The following CDYL2 variants were observed in gnomAD, a reference collection of about 807,000 sequenced individuals.
CDYL2 encodes the protein chromodomain Y like 2, also known as chromodomain Y-like protein 2.
In CDYL2, 23 loss-of-function variants were observed where a neutral mutation model predicts 49.4. The ratio of observed to expected loss-of-function variants is 0.47; its 90% CI spans 0.34 to 0.66. The LOEUF is 0.66. CDYL2 is among the 30% of genes least tolerant of loss of function. The probability of loss-of-function intolerance (pLI) is 0.01; values close to 1 mark genes in which losing one functional copy is unlikely to be tolerated. For missense variants in CDYL2, 678 were observed against 656.4 expected, an observed-to-expected ratio of 1.03 and a Z score of -0.36; for synonymous variants, 360 against 268.8, an observed-to-expected ratio of 1.34 and a Z score of -3.32.
At position 80,620,873 on chromosome 16, in the gene CDYL2, G is replaced by A. The variant is rs1225600010; in HGVS notation, c.897C>T (p.Leu299=). 1.9e-6 allele frequency: 3 copies of A among 1,612,104 alleles called. No homozygotes were observed. The highest frequency in any genetic ancestry group is 1.1e-5 in the South Asian group (1 of 90,950). ...AGAACACGCTCCCCACTGCGCTGAG[G>A]AGCAGCAGTTTGCTGTCGTCTGTGG... is the stretch of plus-strand genomic sequence containing the variant. ...NAATDDSKLL[L]LSAVGSVFCS... Residue 299 remains leucine, a synonymous_variant, in exon 4 of 7, where the codon CTC becomes CTT. Coordinates refer to ENST00000570137, the MANE Select transcript of CDYL2 (RefSeq NM_152342.4).
rs576561968 is a variant in CDYL2 at position 80,685,247 on chromosome 16, T to A, written c.25-118A>T. On this transcript the variant is annotated intron_variant, in intron 1 of 6. Coordinates refer to ENST00000570137, the MANE Select transcript of CDYL2 (RefSeq NM_152342.4). ...AGAGGCATCTACCCTAGCCAGGGGG[T>A]GAGCCACGAGCCATTCAATGCCAGA... is the stretch of plus-strand genomic sequence containing the variant. 377 of 761,338 alleles carry A rather than the reference T, an allele frequency of 5.0e-4. 3 individuals are homozygous for A. In the South Asian group the frequency reaches 6.2e-3, roughly 12 times the overall value. 47.2% of individuals were successfully genotyped at this position (761,338 alleles called of 1,614,324 possible). A position where few individuals can be genotyped will look rare whatever the true frequency, so the allele number is the denominator to read the frequency against.
At chr16:80,674,060 A>G (rs1044336516) in intron 2 of CDYL2, among the ~76,000 whole-genome samples, 1 of 152,196 alleles carries the variant, frequency 6.6e-6, no homozygotes, top group Non-Finnish European at 1.5e-5. Context: ...CTCCAGAACT[A>G]TAAGGGAAGA....
intron 2 of CDYL2, among the ~76,000 whole-genome samples, chr16:80,647,264 G>A (rs941318050): frequency 6.6e-6 from 1 of 152,118 alleles, no homozygotes; most frequent in African/African-American, 2.4e-5. Context: ...AATCAATATT[G>A]TTAAAATGGC....
chr16:80,789,121 C>T (rs888537329), intron 1 of CDYL2, among the ~76,000 whole-genome samples: 1 of 151,598 alleles, frequency 6.6e-6, no homozygotes, highest in East Asian at 1.9e-4. Context: ...CAAAAAAAAA[C>T]AACAGAGTTG....
At chr16:80,752,728 G>T (rs1381465399) in intron 1 of CDYL2, among the ~76,000 whole-genome samples, 1 of 152,200 alleles carries the variant, frequency 6.6e-6, no homozygotes, top group East Asian at 1.9e-4. Flanking sequence ...TAACAAAGCG[G>T]GAAAGCTCTG....
At chr16:80,618,724 C>T (rs1906943727) in intron 4 of CDYL2, among the ~76,000 whole-genome samples, 1 of 152,142 alleles carries the variant, frequency 6.6e-6, no homozygotes, top group South Asian at 2.1e-4. Flanking sequence ...GGGAGTCCCA[C>T]CTTGCCTGCA....
At chr16:80,793,468 A>T (rs1204112417) in intron 1 of CDYL2, among the ~76,000 whole-genome samples, 1 of 152,260 alleles carries the variant, frequency 6.6e-6, no homozygotes, top group African/African-American at 2.4e-5. Flanking sequence ...AAACAGAGGG[A>T]CTAATGCCAT....
chr16:80,766,678 C>T (rs995381081), intron 1 of CDYL2, among the ~76,000 whole-genome samples: 15 of 152,268 alleles, frequency 9.9e-5, no homozygotes, highest in African/African-American at 2.6e-4. Flanking sequence ...CAACTAATAA[C>T]GATGGGACTG....
At chr16:80,610,402 C>T (rs1280202550) in intron 5 of CDYL2, among the ~76,000 whole-genome samples, 1 of 152,158 alleles carries the variant, frequency 6.6e-6, no homozygotes, top group Non-Finnish European at 1.5e-5. Flanking sequence ...AAAATCAAGA[C>T]ATCAAAAGAA....
chr16:80,604,336 T>G lies in CDYL2; in HGVS notation c.*52A>C. 1.2e-6 allele frequency: 2 copies of G among 1,606,028 alleles called. No individual in the cohort carries two copies. The highest frequency in any genetic ancestry group is 1.8e-4 in the Middle Eastern group (1 of 5,650). ...GCCGGGGCAGACACTGTGCTCTGGT[T>G]TCCGAAACACAGGGCAGAGCTGGAA... is the stretch of plus-strand genomic sequence containing the variant. On this transcript the variant is annotated 3_prime_UTR_variant, in exon 7 of 7. Transcript: ENST00000570137.
intron 1 of CDYL2, among the ~76,000 whole-genome samples, chr16:80,754,939 G>T (rs1272178603): frequency 6.6e-6 from 1 of 152,060 alleles, no homozygotes; most frequent in East Asian, 1.9e-4. Flanking sequence ...ATTTACGAGG[G>T]GAAATATCAT....
intron 1 of CDYL2, among the ~76,000 whole-genome samples, chr16:80,788,789 G>A (rs138493215): frequency 2.0e-5 from 3 of 152,254 alleles, no homozygotes; most frequent in Middle Eastern, 3.4e-3. Flanking sequence ...TACACGTGGA[G>A]AATTTACCAT....
chr16:80,735,360 T>C (rs7188054), intron 1 of CDYL2, among the ~76,000 whole-genome samples: 8,184 of 152,284 alleles, frequency 0.054, 542 homozygotes, highest in African/African-American at 0.15. Context: ...CTGAGTGACA[T>C]CCTTAAAGAG....
chr16:80,717,117 GATGA>G (rs1904836274), intron 1 of CDYL2, among the ~76,000 whole-genome samples: 1 of 150,344 alleles, frequency 6.7e-6, no homozygotes, highest in Admixed American at 6.6e-5. Flanking sequence ...TGGATGGAGG[GATGA>G]ATGAATGGAT....
chr16:80,599,464 G>A lies in CDYL2; in HGVS notation c.*4924C>T, dbSNP rs543295361. 1 of 152,268 alleles carries A rather than the reference G, an allele frequency of 6.6e-6. No individual in the cohort carries two copies. Among genetic ancestry groups the A allele is most frequent in the South Asian group, 2.1e-4 (1 of 4,814 alleles). The allele number at this position is 152,268 out of a possible 1,614,324, so 9.4% of individuals were successfully genotyped here. The stretch of plus-strand genomic sequence containing the variant: ...ATTTATGTTCTAGAAAAACAGTCCT[G>A]GATAGACATATTCAGCTGATATGTT... On this transcript the variant is annotated 3_prime_UTR_variant, in exon 7 of 7. Coordinates refer to ENST00000570137, the MANE Select transcript of CDYL2 (RefSeq NM_152342.4).
chr16:80,604,684 C>T, intron 6 of CDYL2, 138 bp from the exon 7 acceptor site: 2 of 817,480 alleles, frequency 2.4e-6, no homozygotes, highest in Non-Finnish European at 4.0e-6. Context: ...TGGGCCTTCC[C>T]AGTCCCATGT....
At chr16:80,689,916 T>C (rs1296884867) in intron 1 of CDYL2, among the ~76,000 whole-genome samples, 1 of 150,940 alleles carries the variant, frequency 6.6e-6, no homozygotes, top group East Asian at 1.9e-4. Context: ...AGGTCAGGAG[T>C]TCGAAACCAG....
intron 1 of CDYL2, among the ~76,000 whole-genome samples, chr16:80,765,130 TATATA>T (rs994662009): frequency 1.4e-5 from 2 of 140,662 alleles, no homozygotes; most frequent in Non-Finnish European, 3.1e-5. Context: ...CATATAGTAC[TATATA>T]ATATATAGTA....
intron 1 of CDYL2, among the ~76,000 whole-genome samples, chr16:80,774,996 AG>A (rs1247810264): frequency 6.6e-6 from 1 of 152,054 alleles, no homozygotes; most frequent in Non-Finnish European, 1.5e-5. Context: ...ATCACCAAAA[AG>A]ATTTATTTCT....
Sources: gnomAD v4.1 joint callset for allele counts (sites outside exome capture counted in the v4.1 genomes callset) on GRCh38, gnomAD v4.1.1 for gene constraint, MANE v1.5 for transcripts, NCBI Gene and HGNC (gene_info 2026-07-23, HGNC 2026-07-21) for gene names.